Variants in ALG14 observed in about 807,000 individuals in gnomAD.
ALG14 encodes the protein ALG14 UDP-N-acetylglucosaminyltransferase subunit, also known as UDP-N-acetylglucosamine transferase subunit ALG14.
Under a neutral mutation model 22.8 loss-of-function variants are expected in ALG14, and 17 were observed. That is an observed-to-expected ratio of 0.75 (90% CI 0.51 to 1.12). The LOEUF (loss-of-function observed/expected upper bound fraction) is 1.12. Among genes scored for constraint, ALG14 ranks in the 50% most tolerant of loss-of-function variants. The pLI is 0.00. For synonymous variants in ALG14, 89 were observed against 103.7 expected (o/e 0.86, Z 0.86); for missense variants, 288 against 271.8 (o/e 1.06, Z -0.42).
At chr1:95,023,234 C>T (rs995644655) in intron 3 of ALG14, among the ~76,000 whole-genome samples, 12 of 152,184 alleles carry the variant, frequency 7.9e-5, no homozygotes, top group African/African-American at 2.7e-4. Flanking sequence ...AGCAATTCTC[C>T]TGCCTCAGCC....
At chr1:95,065,039 C>G (rs1321900409) in intron 1 of ALG14, 22 bp from the exon 2 acceptor site, 16 of 1,596,592 alleles carry the variant, frequency 1.0e-5, no homozygotes, top group Non-Finnish European at 1.3e-5. Context: ...ATCAGAAGTC[C>G]TAAGATTAAG....
At chr1:95,047,136 C>G (rs1464889272) in intron 2 of ALG14, among the ~76,000 whole-genome samples, 1 of 152,052 alleles carries the variant, frequency 6.6e-6, no homozygotes, top group African/African-American at 2.4e-5. Context: ...TATAAACTAG[C>G]CATAACCTGC....
At chr1:94,992,478 G>A (rs888015866) in intron 3 of ALG14, among the ~76,000 whole-genome samples, 2 of 152,192 alleles carry the variant, frequency 1.3e-5, no homozygotes, top group Non-Finnish European at 2.9e-5. Context: ...ACTGATAAGA[G>A]CAAGAGGCAG....
At chr1:95,007,246 A>G (rs567847422) in intron 3 of ALG14, among the ~76,000 whole-genome samples, 3 of 152,330 alleles carry the variant, frequency 2.0e-5, no homozygotes, top group African/African-American at 7.2e-5. Flanking sequence ...GGTATAAATG[A>G]AAAAATGTAG....
At chr1:95,017,822 A>G (rs1451122431) in intron 3 of ALG14, among the ~76,000 whole-genome samples, 1 of 149,708 alleles carries the variant, frequency 6.7e-6, no homozygotes. Flanking sequence ...GAGATCTACA[A>G]TATCTAAAAT....
chr1:95,000,777 T>TAAAAAAAAAAAA (rs56810994), intron 3 of ALG14, among the ~76,000 whole-genome samples: 2 of 65,212 alleles, frequency 3.1e-5, no homozygotes, highest in African/African-American at 5.7e-5. Context: ...TATGCCACAC[T>TAAAAAAAAAAAA]AAAAAAAAAA....
chr1:94,995,329 T>C (rs1199493850), intron 3 of ALG14, among the ~76,000 whole-genome samples: 1 of 152,208 alleles, frequency 6.6e-6, no homozygotes, highest in Non-Finnish European at 1.5e-5. Context: ...GACACATTCA[T>C]ATATTCAAAG....
intron 2 of ALG14, among the ~76,000 whole-genome samples, chr1:95,048,316 A>G (rs575952856): frequency 6.6e-6 from 1 of 152,316 alleles, no homozygotes; most frequent in African/African-American, 2.4e-5. Flanking sequence ...GAAAAACTCT[A>G]TATTTTTTTA....
chr1:95,049,898 A>G (rs183301784), intron 2 of ALG14, among the ~76,000 whole-genome samples: 16 of 152,072 alleles, frequency 1.1e-4, no homozygotes, highest in African/African-American at 3.6e-4. Context: ...TAAAAATAAA[A>G]TTTTTTTCTA....
chr1:95,003,807 C>T (rs961115635), intron 3 of ALG14, among the ~76,000 whole-genome samples: 2 of 151,916 alleles, frequency 1.3e-5, no homozygotes, highest in Admixed American at 6.6e-5. Flanking sequence ...AAATATAGCA[C>T]TTTTGTTTTC....
Position 94,983,371 on chromosome 1 carries a change from T to C in ALG14, c.421-65A>G. On this transcript the variant is annotated intron_variant, in intron 3 of 3. Transcript: ENST00000370205. ...AATAATCTAAGGGAGGCATTTTGCA[T>C]TAAGAACAGCCTGATTTCAGAGGGG... 3.0e-6 allele frequency: 4 copies of C among 1,351,658 alleles called. No homozygotes were observed. The South Asian group carries it at 5.1e-5, about 17-fold the overall frequency. 83.7% of individuals were successfully genotyped at this position (1,351,658 alleles called of 1,614,324 possible).
chr1:94,987,619 C>G (rs1672676802), intron 3 of ALG14, among the ~76,000 whole-genome samples: 1 of 152,124 alleles, frequency 6.6e-6, no homozygotes, highest in Admixed American at 6.5e-5. Context: ...GTCCCATTGG[C>G]TGAAACATAA....
At chr1:95,063,000 T>C (rs556007770) in intron 2 of ALG14, among the ~76,000 whole-genome samples, 1 of 152,348 alleles carries the variant, frequency 6.6e-6, no homozygotes, top group South Asian at 2.1e-4. Flanking sequence ...TTCTGAGTGG[T>C]GTGAGATGGT....
chr1:95,043,174 C>T (rs184978322), intron 2 of ALG14, among the ~76,000 whole-genome samples: 2 of 152,256 alleles, frequency 1.3e-5, no homozygotes, highest in African/African-American at 4.8e-5. Context: ...CTGAAATGCC[C>T]TTTTCTCTAG....
At chr1:94,990,684 T>C (rs778744168) in intron 3 of ALG14, among the ~76,000 whole-genome samples, 2 of 152,218 alleles carry the variant, frequency 1.3e-5, no homozygotes, top group African/African-American at 4.8e-5. Context: ...AGCTTTCATC[T>C]TCTTTTAAAC....
chr1:94,996,842 C>T (rs1672921463), intron 3 of ALG14, among the ~76,000 whole-genome samples: 1 of 152,012 alleles, frequency 6.6e-6, no homozygotes, highest in African/African-American at 2.4e-5. Flanking sequence ...CCACCATGCC[C>T]AGCTCATTTT....
intron 3 of ALG14, among the ~76,000 whole-genome samples, chr1:95,017,083 G>A (rs1283555302): frequency 7.9e-5 from 12 of 151,652 alleles, no homozygotes; most frequent in African/African-American, 2.4e-4. Context: ...GTCTGCTATC[G>A]CCCAAGGATC....
chr1:95,071,014 T>C (rs543853327), intron 1 of ALG14, among the ~76,000 whole-genome samples: 51 of 152,348 alleles, frequency 3.3e-4, no homozygotes, highest in African/African-American at 1.2e-3. Context: ...TTGCTGAGAT[T>C]ACAGGTGTGA....
intron 3 of ALG14, among the ~76,000 whole-genome samples, chr1:94,992,249 T>C (rs966500567): frequency 1.3e-5 from 2 of 152,184 alleles, no homozygotes; most frequent in South Asian, 2.1e-4. Flanking sequence ...AGTAGGCTTG[T>C]TTACCCGTGC....
Sources: allele counts gnomAD v4.1 joint callset (sites outside exome capture counted in the v4.1 genomes callset), GRCh38; gene constraint gnomAD v4.1.1; transcripts MANE v1.5; gene names NCBI Gene and HGNC (gene_info 2026-07-23, HGNC 2026-07-21).